The following CYTH3 variants were observed in gnomAD, a reference collection of about 807,000 sequenced individuals.
The protein encoded by CYTH3 is cytohesin-3.
In CYTH3, 23 loss-of-function variants were observed where a neutral mutation model predicts 55.1. The observed-to-expected ratio is 0.42, with a 90% CI of 0.30 to 0.59. CYTH3 has a LOEUF of 0.59. Among genes scored for constraint, CYTH3 ranks in the 20% least tolerant of loss-of-function variants. CYTH3 has a pLI of 0.20. For synonymous variants in CYTH3, 249 were observed against 194.9 expected (o/e 1.28, Z -2.31); for missense variants, 413 against 524.8 (o/e 0.79, Z 2.08).
In CYTH3 at chr7:6,264,387, G is replaced by A. The variant is rs567131157; in HGVS notation, c.34+8087C>T. ...AGCACTTTGGGAGGCCAAAGCGGGT[G>A]GATCATTTGCGGTCAGGAGTTCGAG... is the stretch of plus-strand genomic sequence containing the variant. On this transcript the variant is annotated intron_variant, in intron 1 of 12. Transcript: ENST00000350796. Among the ~76,000 whole-genome samples the A allele has an allele frequency of 3.3e-5, 5 of 152,268 alleles. No individual in the cohort carries two copies. In the South Asian group the frequency reaches 1.0e-3, roughly 32 times the overall value.
intron 1 of CYTH3, 114 bp downstream of exon 1, chr7:6,272,360 G>A: frequency 9.6e-7 from 1 of 1,038,930 alleles, no homozygotes; most frequent in Non-Finnish European, 1.2e-6. Flanking sequence ...CGCTGCCGCT[G>A]CCCCCGACCC....
chr7:6,165,811 C>T lies in CYTH3; in HGVS notation c.824-1G>A. 1.2e-6 allele frequency: 2 copies of T among 1,613,962 alleles called. No homozygotes were observed. Among genetic ancestry groups the T allele is most frequent in the Non-Finnish European group, 1.7e-6 (2 of 1,179,918 alleles). ...CGCTTCCAGGTCTTCACACGCCCTC[C>T]TAGAAGCAGAAGGGCCCCGTGAGTC... On this transcript the variant is annotated splice_acceptor_variant, in intron 9 of 12. Transcript: ENST00000350796. LOFTEE classifies it high-confidence loss of function.
intron 1 of CYTH3, among the ~76,000 whole-genome samples, chr7:6,206,461 A>C (rs1279410376): frequency 6.6e-6 from 1 of 152,248 alleles, no homozygotes. Context: ...GGGGAGGCAG[A>C]AAGTACTGCC....
intron 4 of CYTH3, among the ~76,000 whole-genome samples, chr7:6,178,931 T>C (rs1783410484): frequency 6.6e-6 from 1 of 152,200 alleles, no homozygotes; most frequent in Admixed American, 6.5e-5. Flanking sequence ...AAAATATGTG[T>C]TGGCAAGGGT....
chr7:6,254,918 A>T (rs922787927), intron 1 of CYTH3, among the ~76,000 whole-genome samples: 3 of 152,232 alleles, frequency 2.0e-5, no homozygotes, highest in Non-Finnish European at 2.9e-5. Context: ...AACATTTTCA[A>T]AATACAAAGT....
intron 1 of CYTH3, among the ~76,000 whole-genome samples, chr7:6,203,380 AAAC>A (rs1389072972): frequency 1.3e-5 from 2 of 152,232 alleles, no homozygotes; most frequent in Non-Finnish European, 2.9e-5. Flanking sequence ...AGGCAAAACT[AAAC>A]AACTGCTACT....
At chr7:6,211,292 C>T (rs1016553268) in intron 1 of CYTH3, among the ~76,000 whole-genome samples, 3 of 152,238 alleles carry the variant, frequency 2.0e-5, no homozygotes, top group African/African-American at 7.2e-5. Flanking sequence ...TTCTATCAGA[C>T]ATGGCTGTTG....
At chr7:6,185,011 G>A (rs1433033721) in intron 4 of CYTH3, among the ~76,000 whole-genome samples, 2 of 152,164 alleles carry the variant, frequency 1.3e-5, no homozygotes, top group Non-Finnish European at 2.9e-5. Context: ...ACCCAGTTCT[G>A]AGCACATCCA....
chr7:6,213,004 A>C (rs572483961), intron 1 of CYTH3, among the ~76,000 whole-genome samples: 17 of 152,348 alleles, frequency 1.1e-4, no homozygotes, highest in Admixed American at 3.9e-4. Context: ...AACAGTAACT[A>C]CTGCACCTAG....
intron 1 of CYTH3, among the ~76,000 whole-genome samples, chr7:6,220,192 T>A (rs748462132): frequency 2.0e-5 from 3 of 152,142 alleles, no homozygotes; most frequent in Non-Finnish European, 2.9e-5. Context: ...CCACCGCGCC[T>A]GGCCTAGCCA....
At chr7:6,216,982 C>T (rs530089829) in intron 1 of CYTH3, among the ~76,000 whole-genome samples, 28 of 151,778 alleles carry the variant, frequency 1.8e-4, no homozygotes, top group African/African-American at 6.5e-4. Flanking sequence ...GCATTATCTC[C>T]GCTCACTGCA....
chr7:6,253,064 A>C (rs932431745), intron 1 of CYTH3, among the ~76,000 whole-genome samples: 3 of 152,194 alleles, frequency 2.0e-5, no homozygotes, highest in African/African-American at 7.2e-5. Context: ...TTTTACCTTG[A>C]ATCAAAATGA....
rs1037720106 is a variant in CYTH3 at position 6,272,611 on chromosome 7, A to G, written c.-104T>C. 43 of 893,500 alleles carry G rather than the reference A, an allele frequency of 4.8e-5. No homozygotes were observed. The highest frequency in any genetic ancestry group is 3.4e-4 in the African/African-American group (19 of 55,220). 55.3% of individuals were successfully genotyped at this position (893,500 alleles called of 1,614,324 possible). On this transcript the variant is annotated 5_prime_UTR_variant, in exon 1 of 13. Transcript: ENST00000350796. ...CGCGCAGGCGACCGGGCGGCTCCTCAGCGCGCGGCCCGGGTCGCGGCCGGG... is the reference window on the plus strand; with the variant it reads ...CGCGCAGGCGACCGGGCGGCTCCTCGGCGCGCGGCCCGGGTCGCGGCCGGG...
At chr7:6,238,928 A>T (rs1779599198) in intron 1 of CYTH3, among the ~76,000 whole-genome samples, 1 of 149,134 alleles carries the variant, frequency 6.7e-6, no homozygotes, top group Non-Finnish European at 1.5e-5. Context: ...TAATAATAAA[A>T]AAAAGCCAAG....
chr7:6,213,875 A>T (rs913382072), intron 1 of CYTH3, among the ~76,000 whole-genome samples: 4 of 152,094 alleles, frequency 2.6e-5, no homozygotes, highest in African/African-American at 9.7e-5. Flanking sequence ...CACCAGGAGA[A>T]CTTGGCTCCA....
intron 1 of CYTH3, among the ~76,000 whole-genome samples, chr7:6,261,715 A>AAAAAAT (rs1780359155): frequency 6.7e-6 from 1 of 148,318 alleles, no homozygotes; most frequent in Non-Finnish European, 1.5e-5. Flanking sequence ...AAAAAAAAAA[A>AAAAAAT]GGGCAAAGTG....
chr7:6,175,560 T>TC (rs1459670686), intron 5 of CYTH3, among the ~76,000 whole-genome samples: 1 of 148,102 alleles, frequency 6.8e-6, no homozygotes, highest in African/African-American at 2.5e-5. Context: ...TTTTTTTTTT[T>TC]TTTTTTTGAG....
chr7:6,263,269 T>C (rs901329349), intron 1 of CYTH3, among the ~76,000 whole-genome samples: 4 of 152,192 alleles, frequency 2.6e-5, no homozygotes, highest in Non-Finnish European at 4.4e-5. Context: ...TAGGTAAATA[T>C]TTAAAAGTAA....
At chr7:6,179,811 A>G (rs1241338745) in intron 4 of CYTH3, among the ~76,000 whole-genome samples, 1 of 113,496 alleles carries the variant, frequency 8.8e-6, no homozygotes, top group Non-Finnish European at 1.8e-5. Context: ...CACACACACC[A>G]CACACACACC....
Sources: gnomAD v4.1 joint callset for allele counts (sites outside exome capture counted in the v4.1 genomes callset) on GRCh38, gnomAD v4.1.1 for gene constraint, MANE v1.5 for transcripts, NCBI Gene and HGNC (gene_info 2026-07-23, HGNC 2026-07-21) for gene names.